The following STK35 variants were observed in gnomAD, a reference collection of about 807,000 sequenced individuals.
The protein encoded by STK35 is serine/threonine kinase 35.
In STK35, 17 loss-of-function variants were observed where a neutral mutation model predicts 37.3. The observed-to-expected ratio is 0.46, with a 90% CI of 0.31 to 0.68. The LOEUF is 0.68. STK35 is among the 30% of genes least tolerant of loss of function. STK35 has a pLI of 0.05. For missense variants in STK35, 595 were observed against 746.7 expected (o/e 0.80, Z 2.37); for synonymous variants, 385 against 319.1 (o/e 1.21, Z -2.20).
chr20:2,109,758 A>G (rs542589695), intron 2 of STK35, among the ~76,000 whole-genome samples: 215 of 152,386 alleles, frequency 1.4e-3, no homozygotes, highest in Non-Finnish European at 2.4e-3. Flanking sequence ...GCCTTAGAGC[A>G]GTCCAGTGCT....
intron 3 of STK35, among the ~76,000 whole-genome samples, chr20:2,125,073 T>C (rs1319509419): frequency 1.3e-5 from 2 of 152,206 alleles, no homozygotes; most frequent in Non-Finnish European, 2.9e-5. Flanking sequence ...CAAGGCCCAG[T>C]TGCTGCTCAC....
At position 2,118,094 on chromosome 20, in the gene STK35, G is replaced by A. The variant is rs142831787; in HGVS notation, c.*37+679G>A. Among the ~76,000 whole-genome samples, 964 of 152,156 alleles carry A rather than the reference G, an allele frequency of 6.3e-3. 6 individuals are homozygous for A. The highest frequency in any genetic ancestry group is 8.4e-3 in the Non-Finnish European group (569 of 67,994). ...TGTATCCCACCTACTCACACATCCG[G>A]TTCCACATAGTTTAGATCTTGCCCT... is the stretch of plus-strand genomic sequence containing the variant. On this transcript the variant is annotated intron_variant, in intron 3 of 3. Transcript: ENST00000381482.
chr20:2,117,333 C>T lies in STK35; in HGVS notation c.1560C>T (p.Ala520=), dbSNP rs1028055490. 1.9e-6 allele frequency: 3 copies of T among 1,613,056 alleles called. No individual in the cohort carries two copies. In the African/African-American group the frequency reaches 4.0e-5, roughly 22 times the overall value. ...CTAACCCACAGGACCGGCCTGATGC[C>T]TTTGAACTTGAAACCAGAATGGACC... The part of the protein sequence containing the change: ...LAANPQDRPD[A]FELETRMDQV... The change falls in exon 3 of 4, where the codon GCC becomes GCT. Residue 520 remains alanine, a synonymous_variant. Coordinates refer to ENST00000381482, the MANE Select transcript of STK35 (RefSeq NM_080836.4). The surrounding 1 kb of genome is among the most constrained non-coding windows in gnomAD (Gnocchi z 4.4).
chr20:2,114,536 G>T (rs1453066971), intron 2 of STK35, among the ~76,000 whole-genome samples: 2 of 152,094 alleles, frequency 1.3e-5, no homozygotes, highest in African/African-American at 4.8e-5. Context: ...GTGATTCTGA[G>T]AATACTTCTT....
At chr20:2,128,303 A>G (rs936448360) in intron 3 of STK35, among the ~76,000 whole-genome samples, 1 of 152,110 alleles carries the variant, frequency 6.6e-6, no homozygotes, top group Non-Finnish European at 1.5e-5. Flanking sequence ...TACCTTCAAA[A>G]AGCTTGGACC....
chr20:2,124,008 T>C (rs1985863430), intron 3 of STK35, among the ~76,000 whole-genome samples: 1 of 152,254 alleles, frequency 6.6e-6, no homozygotes, highest in Non-Finnish European at 1.5e-5. Context: ...TTCAAGTAAA[T>C]TCCTGAAGGT....
chr20:2,109,021 T>C (rs917496026), intron 2 of STK35, among the ~76,000 whole-genome samples: 1 of 152,356 alleles, frequency 6.6e-6, no homozygotes, highest in Middle Eastern at 3.4e-3. Flanking sequence ...CGCATGACTT[T>C]TATCTTGATT....
Position 2,117,552 on chromosome 20 carries a change from C to A in STK35, c.*37+137C>A. On this transcript the variant is annotated intron_variant, in intron 3 of 3. Transcript: ENST00000381482. The surrounding 1 kb of genome is among the most constrained non-coding windows in gnomAD (Gnocchi z 4.4). ...CTCCACCTCCCGAGTTCAAGTGATT[C>A]TCGTGCCTCAGCCACCTGGGTAGCT... 1 of 543,992 alleles carries A rather than the reference C, an allele frequency of 1.8e-6. No individual in the cohort carries two copies. The highest frequency in any genetic ancestry group is 3.2e-6 in the Non-Finnish European group (1 of 313,254). The allele number at this position is 543,992 out of a possible 1,614,324, so 33.7% of individuals were successfully genotyped here.
At chr20:2,103,719 G>T (rs1196494265) in intron 2 of STK35, among the ~76,000 whole-genome samples, 1 of 152,128 alleles carries the variant, frequency 6.6e-6, no homozygotes, top group Non-Finnish European at 1.5e-5. Context: ...TAGCAGAACT[G>T]CGGAGCCTCC....
rs1985433901 is a variant in STK35, at chr20:2,102,984, C to T, written c.511C>T (p.Arg171Trp). The change falls in exon 2 of 4, where the codon CGG (arginine) becomes TGG (tryptophan). Residue 171 changes from arginine (R) to tryptophan (W), a missense_variant. By Grantham distance (101) the Arg-to-Trp change is moderately radical. Coordinates refer to ENST00000381482, the MANE Select transcript of STK35 (RefSeq NM_080836.4). ...STKLRPAAAA[R>W]AMDPVAAEAP... Reference sequence around the variant, plus strand: ...GAAGCTGAGGCCGGCGGCGGCGGCCCGGGCCATGGATCCGGTGGCGGCCGA... The same window carrying T: ...GAAGCTGAGGCCGGCGGCGGCGGCCTGGGCCATGGATCCGGTGGCGGCCGA... The T allele has an allele frequency of 7.1e-6, 10 of 1,415,964 alleles. No individual in the cohort carries two copies. The highest frequency in any genetic ancestry group is 6.0e-5 in the East Asian group (2 of 33,088). The allele number at this position is 1,415,964 out of a possible 1,614,324, so 87.7% of individuals were successfully genotyped here. A position where few individuals can be genotyped will look rare whatever the true frequency, so the allele number is the denominator to read the frequency against.
At position 2,143,011 on chromosome 20, in the gene STK35, C is replaced by G. The variant is rs535209070; in HGVS notation, c.*38-773C>G. The stretch of plus-strand genomic sequence containing the variant: ...AAATAATAGCCAACACTAATAGGAT[C>G]AGGCACTCTTCTTGGTTTTACGTTC... On this transcript the variant is annotated intron_variant, in intron 3 of 3. Coordinates refer to ENST00000381482, the MANE Select transcript of STK35 (RefSeq NM_080836.4). 2.6e-5 allele frequency among the ~76,000 whole-genome samples: 4 copies of G among 152,342 alleles called. No homozygotes were observed. In the South Asian group the frequency reaches 8.3e-4, roughly 32 times the overall value.
At chr20:2,130,843 G>A (rs915702964) in intron 3 of STK35, among the ~76,000 whole-genome samples, 19 of 152,122 alleles carry the variant, frequency 1.2e-4, no homozygotes, top group African/African-American at 3.4e-4. Flanking sequence ...GTGGGGAAGG[G>A]GCTTTGGAGT....
chr20:2,112,790 C>G (rs1985644790), intron 2 of STK35, among the ~76,000 whole-genome samples: 1 of 152,216 alleles, frequency 6.6e-6, no homozygotes, highest in Admixed American at 6.5e-5. Context: ...TTCTCCCTCT[C>G]TGGGAAGGAA....
chr20:2,105,379 C>T (rs1271737336), intron 2 of STK35, among the ~76,000 whole-genome samples: 1 of 152,156 alleles, frequency 6.6e-6, no homozygotes, highest in Non-Finnish European at 1.5e-5. Context: ...ACGCCAGTCT[C>T]GAACCTTCAA....
intron 3 of STK35, among the ~76,000 whole-genome samples, chr20:2,124,250 C>T (rs73892027): frequency 0.011 from 1,618 of 152,294 alleles, 25 homozygotes; most frequent in African/African-American, 0.034. Context: ...GGAGCTAGTT[C>T]CTCTCCTACT....
intron 3 of STK35, among the ~76,000 whole-genome samples, chr20:2,134,450 G>GTTTA (rs1568581284): frequency 3.3e-5 from 5 of 152,242 alleles, no homozygotes; most frequent in Non-Finnish European, 7.3e-5. Flanking sequence ...CACCTGTGCT[G>GTTTA]GGGGTGCCCT....
intron 3 of STK35, among the ~76,000 whole-genome samples, chr20:2,119,067 C>T (rs942756859): frequency 4.6e-5 from 7 of 152,196 alleles, no homozygotes; most frequent in African/African-American, 1.7e-4. Context: ...GAGACTTTCT[C>T]CATCTTCATG....
intron 3 of STK35, among the ~76,000 whole-genome samples, chr20:2,130,326 G>C (rs1031466289): frequency 6.6e-6 from 1 of 152,128 alleles, no homozygotes; most frequent in Non-Finnish European, 1.5e-5. Flanking sequence ...CCTTGGACTC[G>C]GGGCTGCGTT....
chr20:2,118,620 A>C (rs546345005), intron 3 of STK35, among the ~76,000 whole-genome samples: 4 of 152,374 alleles, frequency 2.6e-5, no homozygotes, highest in African/African-American at 7.2e-5. Context: ...TCCTTTGTGA[A>C]GTACAGTCAT....
Sources: allele counts gnomAD v4.1 joint callset (sites outside exome capture counted in the v4.1 genomes callset), GRCh38; gene constraint gnomAD v4.1.1; non-coding constraint Gnocchi (gnomAD v3.1); transcripts MANE v1.5; gene names NCBI Gene and HGNC (gene_info 2026-07-23, HGNC 2026-07-21).